PRRC2C: variants seen among roughly 807,000 people sequenced by gnomAD.
PRRC2C encodes the protein proline rich coiled-coil 2C.
In PRRC2C, 72 loss-of-function variants were observed where a neutral mutation model predicts 317.2. The ratio of observed to expected loss-of-function variants is 0.23; its 90% CI spans 0.19 to 0.28. The LOEUF is 0.28. Among genes scored for constraint, PRRC2C ranks in the 10% least tolerant of loss-of-function variants. PRRC2C has a pLI of 1.00. For synonymous variants in PRRC2C, 1,296 were observed against 1,205.9 expected, an observed-to-expected ratio of 1.07 and a Z score of -1.55; for missense variants, 3,074 against 3,459.7, an observed-to-expected ratio of 0.89 and a Z score of 2.80.
intron 9 of PRRC2C, 68 bp from the exon 10 acceptor site, chr1:171,524,753 G>C: frequency 7.1e-7 from 1 of 1,406,368 alleles, no homozygotes; most frequent in Non-Finnish European, 9.4e-7. Flanking sequence ...TTTTTTAATT[G>C]CAAAAATAAT....
At chr1:171,582,927 T>C (rs996237294) in intron 28 of PRRC2C, among the ~76,000 whole-genome samples, 1 of 152,186 alleles carries the variant, frequency 6.6e-6, no homozygotes, top group African/African-American at 2.4e-5. Context: ...TTGACTCTTA[T>C]AATAACATTT....
Position 171,561,076 on chromosome 1 carries a change from A to G in PRRC2C, c.6090A>G (p.Thr2030=). ...PSVSAWNKPL[T]SFGSAPSSEG... is the part of the protein sequence containing the mutation. The stretch of plus-strand genomic sequence containing the variant: ...TCAGTGCATGGAATAAGCCCTTAAC[A>G]TCGTTTGGATCAGCTCCTTCATCAG... Residue 2030 remains threonine (T), a synonymous_variant, in exon 20 of 35, where the codon ACA becomes ACG. Transcript: ENST00000647382. 1 of 1,605,492 alleles carries G rather than the reference A, an allele frequency of 6.2e-7. No individual in the cohort carries two copies. The highest frequency in any genetic ancestry group is 2.2e-5 in the East Asian group (1 of 44,848).
At chr1:171,576,620 G>C (rs1180824634) in intron 25 of PRRC2C, among the ~76,000 whole-genome samples, 1 of 151,946 alleles carries the variant, frequency 6.6e-6, no homozygotes, top group African/African-American at 2.4e-5. Context: ...TTGTTTTAAA[G>C]GTATTACTAT....
intron 12 of PRRC2C, among the ~76,000 whole-genome samples, chr1:171,535,098 T>A (rs1398769171): frequency 6.6e-6 from 1 of 152,144 alleles, no homozygotes; most frequent in African/African-American, 2.4e-5. Flanking sequence ...ATACTGACAA[T>A]TACATTGATG....
At chr1:171,538,374 G>A (rs535015906) in intron 15 of PRRC2C, among the ~76,000 whole-genome samples, 1 of 152,288 alleles carries the variant, frequency 6.6e-6, no homozygotes, top group South Asian at 2.1e-4. Context: ...TTAGTGAGAT[G>A]TTTCTTTTTA....
intron 1 of PRRC2C, among the ~76,000 whole-genome samples, chr1:171,491,427 C>T (rs1336345639): frequency 6.6e-6 from 1 of 152,172 alleles, no homozygotes; most frequent in Non-Finnish European, 1.5e-5. Context: ...AACTGTGCCT[C>T]CACTTCTCTC....
rs139508183 is a variant in PRRC2C at position 171,532,613 on chromosome 1, A to G, written c.1525A>G (p.Arg509Gly). The change falls in exon 12 of 35, where the codon AGG becomes GGG. Residue 509 changes from arginine to glycine, a missense_variant. Coordinates refer to ENST00000647382, the MANE Select transcript of PRRC2C (RefSeq NM_001387844.1). ...ACCATCTCCAGAGGAAATTAGGGAA[A>G]GGGAGCGAGAAAAAGAACGGGAGCG... ...KQPSPEEIRE[R>G]EREKEREREK... is the part of the protein sequence containing the mutation. 1.2e-4 allele frequency: 194 copies of G among 1,553,834 alleles called. No individual in the cohort carries two copies. Among genetic ancestry groups the G allele is most frequent in the Middle Eastern group, 1.0e-3 (6 of 5,996 alleles).
chr1:171,512,573 G>C, intron 2 of PRRC2C: 3 of 245,414 alleles, frequency 1.2e-5, no homozygotes, highest in Admixed American at 5.2e-5. Context: ...GTGTGGGGGT[G>C]TGTGTGTGTG....
chr1:171,579,895 T>C lies in PRRC2C; in HGVS notation c.7340T>C (p.Leu2447Pro). 1 of 1,598,954 alleles carries C rather than the reference T, an allele frequency of 6.3e-7. No homozygotes were observed. Among genetic ancestry groups the C allele is most frequent in the Non-Finnish European group, 8.5e-7 (1 of 1,174,344 alleles). ...APLQGQHQAQ[L>P]SLGAGPAVSQ... ...CTGCAAGGGCAGCATCAAGCCCAACTGAGTTTGGGGGCTGGCCCTGCTGTT... is the reference window on the plus strand; with the variant it reads ...CTGCAAGGGCAGCATCAAGCCCAACCGAGTTTGGGGGCTGGCCCTGCTGTT... The change falls in exon 28 of 35, where the codon CTG becomes CCG. Residue 2447 changes from leucine (L) to proline (P), a missense_variant. Around this residue, in one of 11 missense-constraint regions of PRRC2C, gnomAD observed 490 missense variants for 663.1 expected, o/e 0.74. Transcript: ENST00000647382.
chr1:171,569,830 G>A (rs1434346174), intron 23 of PRRC2C, among the ~76,000 whole-genome samples: 2 of 150,744 alleles, frequency 1.3e-5, no homozygotes, highest in Non-Finnish European at 1.5e-5. Flanking sequence ...TGCTTTTTGC[G>A]AAACTACCCT....
chr1:171,557,184 G>T, intron 18 of PRRC2C, 56 bp from the exon 19 acceptor site: 1 of 1,477,212 alleles, frequency 6.8e-7, no homozygotes, highest in Non-Finnish European at 9.0e-7. Context: ...TTGCATTTAT[G>T]AACTGTTGCA....
intron 11 of PRRC2C, among the ~76,000 whole-genome samples, chr1:171,529,133 C>T (rs1280576354): frequency 3.3e-5 from 5 of 152,172 alleles, no homozygotes; most frequent in African/African-American, 9.7e-5. Context: ...TGAGACACCT[C>T]GCTATTTTGT....
intron 15 of PRRC2C, among the ~76,000 whole-genome samples, chr1:171,537,906 T>C (rs1284327773): frequency 6.6e-6 from 1 of 152,022 alleles, no homozygotes; most frequent in East Asian, 1.9e-4. Flanking sequence ...TTTTTGTTTT[T>C]GTTTTTGTTT....
At chr1:171,569,796 G>T (rs907755311) in intron 23 of PRRC2C, among the ~76,000 whole-genome samples, 4 of 150,832 alleles carry the variant, frequency 2.7e-5, no homozygotes, top group Non-Finnish European at 4.4e-5. Flanking sequence ...ATATTTCTAC[G>T]ATAGTGGTTT....
intron 1 of PRRC2C, among the ~76,000 whole-genome samples, chr1:171,496,962 T>A (rs1398739411): frequency 2.0e-5 from 3 of 152,062 alleles, no homozygotes; most frequent in Non-Finnish European, 4.4e-5. Context: ...CACACCTGGC[T>A]ATTTTTTTGG....
intron 30 of PRRC2C, among the ~76,000 whole-genome samples, chr1:171,586,001 T>C (rs1375935510): frequency 1.3e-5 from 2 of 151,402 alleles, no homozygotes; most frequent in Non-Finnish European, 2.9e-5. Context: ...TAAATAACTT[T>C]GTGCATGAAA....
intron 20 of PRRC2C, among the ~76,000 whole-genome samples, chr1:171,563,967 G>A (rs2102695561): frequency 6.6e-6 from 1 of 152,242 alleles, no homozygotes; most frequent in African/African-American, 2.4e-5. Flanking sequence ...TCAGTCAGTG[G>A]TGGAGCAAGA....
intron 7 of PRRC2C, 30 bp from the exon 8 acceptor site, chr1:171,523,191 G>T (rs757016441): frequency 1.3e-6 from 2 of 1,568,950 alleles, no homozygotes; most frequent in Admixed American, 4.1e-5. Context: ...ATAAACTTTT[G>T]TATCTTTTCC....
rs1480069159 is a variant in PRRC2C, at chr1:171,542,154, C to G, written c.4688C>G (p.Pro1563Arg). The G allele has an allele frequency of 6.2e-7, 1 of 1,606,956 alleles. No homozygotes were observed. Among genetic ancestry groups the G allele is most frequent in the Non-Finnish European group, 8.5e-7 (1 of 1,177,602 alleles). Reference protein sequence around the residue: ...RQNRRGNNGPPKSGRNFSGPR... With the variant: ...RQNRRGNNGPRKSGRNFSGPR... ...AATCGACGTGGCAACAATGGTCCAC[C>G]CAAATCAGGAAGGAATTTCTCAGGT... Residue 1563 changes from proline to arginine, a missense_variant, in exon 16 of 35, where the codon CCC becomes CGC. Around this residue, in one of 11 missense-constraint regions of PRRC2C, gnomAD observed 178 missense variants for 163.0 expected, o/e 1.09. Transcript: ENST00000647382.
Sources: allele counts gnomAD v4.1 joint callset (sites outside exome capture counted in the v4.1 genomes callset), GRCh38; gene constraint gnomAD v4.1.1; regional missense constraint gnomAD v4.1.1; transcripts MANE v1.5; gene names NCBI Gene and HGNC (gene_info 2026-07-23, HGNC 2026-07-21).